Variants in ASAP3 observed in about 807,000 individuals in gnomAD.
ASAP3 encodes ArfGAP with SH3 domain, ankyrin repeat and PH domain 3, also known as arf-GAP with SH3 domain, ANK repeat and PH domain-containing protein 3.
A neutral mutation model predicts 118.2 loss-of-function variants in ASAP3; 85 were observed. The observed-to-expected ratio is 0.72, with a 90% CI of 0.60 to 0.86. The LOEUF is 0.86. Among genes scored for constraint, ASAP3 ranks in the 40% least tolerant of loss-of-function variants. ASAP3 has a pLI of 0.00. For missense variants in ASAP3, 1,026 were observed against 1,175.0 expected (o/e 0.87, Z 1.85); for synonymous variants, 432 against 477.4 (o/e 0.90, Z 1.24).
At chr1:23,472,851 A>G (rs1399562556) in intron 1 of ASAP3, among the ~76,000 whole-genome samples, 2 of 152,230 alleles carry the variant, frequency 1.3e-5, no homozygotes, top group Non-Finnish European at 2.9e-5. Context: ...AACCCATAAG[A>G]CAATTATCTT....
chr1:23,433,201 A>G lies in ASAP3; in HGVS notation c.2199T>C (p.Tyr733=). 1 of 1,614,108 alleles carries G rather than the reference A, an allele frequency of 6.2e-7. No homozygotes were observed. Among genetic ancestry groups the G allele is most frequent in the South Asian group, 1.1e-5 (1 of 91,090 alleles). ...CTGCTCCCAGGCTGGCGACAGTCTC[A>G]TAGGTCTTGTTGCTGATGTCCAGCC... ...SGRLDISNKT[Y]ETVASLGAAT... is the part of the protein sequence containing the mutation. The change falls in exon 22 of 25, where the codon TAT becomes TAC. Residue 733 remains tyrosine (Y), a synonymous_variant. Coordinates refer to ENST00000336689, the MANE Select transcript of ASAP3 (RefSeq NM_017707.4).
At chr1:23,477,145 T>C (rs138710598) in intron 1 of ASAP3, among the ~76,000 whole-genome samples, 88 of 150,200 alleles carry the variant, frequency 5.9e-4, no homozygotes, top group Non-Finnish European at 9.2e-4. Flanking sequence ...GCCTCCCAAG[T>C]AGCTGGGATT....
In ASAP3 at chr1:23,437,399, C is replaced by A. The variant is rs1265769642; in HGVS notation, c.1151+25G>T. On this transcript the variant is annotated intron_variant, in intron 13 of 24. Coordinates refer to ENST00000336689, the MANE Select transcript of ASAP3 (RefSeq NM_017707.4). The surrounding 1 kb of genome is among the most constrained non-coding windows in gnomAD (Gnocchi z 6.1). ...CGCCGGCCCCCACCCACAAGGCTGG[C>A]CGGGCTGGCCGAGGGGGCACTCACG... 6.2e-7 allele frequency: 1 copy of A among 1,612,686 alleles called. No homozygotes were observed. The highest frequency in any genetic ancestry group is 1.7e-5 in the Admixed American group (1 of 59,886).
chr1:23,442,169 C>T lies in ASAP3; in HGVS notation c.671+17G>A, dbSNP rs368417257. 91 of 1,582,698 alleles carry T rather than the reference C, an allele frequency of 5.7e-5. No homozygotes were observed. Among genetic ancestry groups the T allele is most frequent in the African/African-American group, 4.8e-4 (36 of 74,722 alleles). ...ACACTGGAAGGGTTAGTGGCAGGGA[C>T]GCGGGAAGATACCTACTTGTGCTGG... On this transcript the variant is annotated intron_variant, in intron 7 of 24. Transcript: ENST00000336689.
At position 23,428,696 on chromosome 1, in the gene ASAP3, A is replaced by G. The variant is rs1640319267; in HGVS notation, c.*1160T>C. 1 of 152,886 alleles carries G rather than the reference A, an allele frequency of 6.5e-6. No homozygotes were observed. The highest frequency in any genetic ancestry group is 2.4e-5 in the African/African-American group (1 of 41,474). The allele number at this position is 152,886 out of a possible 1,614,324, so 9.5% of individuals were successfully genotyped here. A position where few individuals can be genotyped will look rare whatever the true frequency, so the allele number is the denominator to read the frequency against. On this transcript the variant is annotated 3_prime_UTR_variant, in exon 25 of 25. Transcript: ENST00000336689. ...GACCAGTCAGGTCTCCAGGGGAAACAGCACAGCCTCCCCAGCCAGGCAGCT... is the reference window on the plus strand; with the variant it reads ...GACCAGTCAGGTCTCCAGGGGAAACGGCACAGCCTCCCCAGCCAGGCAGCT...
At position 23,459,453 on chromosome 1, in the gene ASAP3, G is replaced by A. The variant is rs12083126; in HGVS notation, c.130-3259C>T. Among the ~76,000 whole-genome samples, 40 of 152,140 alleles carry A rather than the reference G, an allele frequency of 2.6e-4. No homozygotes were observed. In the East Asian group the frequency reaches 6.4e-3, roughly 24 times the overall value. ...AGCCTTGTTTGTTCTAGCCAGAGTCGACAGACACCTGGTTCAAGCTAAACC... is the reference window on the plus strand; with the variant it reads ...AGCCTTGTTTGTTCTAGCCAGAGTCAACAGACACCTGGTTCAAGCTAAACC... On this transcript the variant is annotated intron_variant, in intron 1 of 24. Coordinates refer to ENST00000336689, the MANE Select transcript of ASAP3 (RefSeq NM_017707.4).
chr1:23,451,203 A>G (rs1641203833), intron 5 of ASAP3, among the ~76,000 whole-genome samples: 1 of 152,190 alleles, frequency 6.6e-6, no homozygotes, highest in Non-Finnish European at 1.5e-5. Flanking sequence ...GGTCAGTGCT[A>G]GCTCCTTCCC....
chr1:23,443,083 G>A (rs1338150747), intron 5 of ASAP3, among the ~76,000 whole-genome samples: 2 of 152,202 alleles, frequency 1.3e-5, no homozygotes, highest in South Asian at 2.1e-4. Flanking sequence ...GTAATGGGAA[G>A]GATTTGAAGG....
chr1:23,461,807 T>C (rs12074915), intron 1 of ASAP3, among the ~76,000 whole-genome samples: 68 of 152,182 alleles, frequency 4.5e-4, no homozygotes, highest in African/African-American at 1.4e-3. Context: ...AAGCCATTTG[T>C]TATGGATGGC....
chr1:23,461,269 T>C (rs1052462680), intron 1 of ASAP3, among the ~76,000 whole-genome samples: 2 of 152,212 alleles, frequency 1.3e-5, no homozygotes, highest in Admixed American at 6.5e-5. Flanking sequence ...GTAAGAGCTG[T>C]TGACAGAGGG....
intron 7 of ASAP3, 78 bp downstream of exon 7, chr1:23,442,108 A>C (rs1640892186): frequency 1.4e-6 from 2 of 1,433,598 alleles, no homozygotes; most frequent in Non-Finnish European, 9.6e-7. Context: ...AGAGACTCTC[A>C]GGTCTATCAC....
chr1:23,455,632 G>A (rs993153764), intron 3 of ASAP3, among the ~76,000 whole-genome samples: 3 of 152,214 alleles, frequency 2.0e-5, no homozygotes, highest in African/African-American at 7.2e-5. Flanking sequence ...TCCCTGCTGT[G>A]AGACCCCCTC....
intron 10 of ASAP3, among the ~76,000 whole-genome samples, chr1:23,440,195 T>C (rs1470830319): frequency 6.6e-6 from 1 of 150,742 alleles, no homozygotes; most frequent in Non-Finnish European, 1.5e-5. Context: ...ATATTCAGTA[T>C]ATTGCAGAGA....
At chr1:23,464,637 G>A (rs1309001022) in intron 1 of ASAP3, among the ~76,000 whole-genome samples, 2 of 122,968 alleles carry the variant, frequency 1.6e-5, no homozygotes, top group African/African-American at 6.5e-5. Context: ...TCCAGCCTGA[G>A]TGACAGAATG....
Position 23,452,719 on chromosome 1 carries a change from C to T in ASAP3, c.401G>A (p.Gly134Glu), listed in dbSNP as rs762313460. Residue 134 changes from glycine to glutamate, a missense_variant, in exon 4 of 25, where the codon GGG becomes GAG. Coordinates refer to ENST00000336689, the MANE Select transcript of ASAP3 (RefSeq NM_017707.4). ...VSFPLDSLMKGQLRDGRQDSK... is the reference protein window; with the variant it reads ...VSFPLDSLMKEQLRDGRQDSK... ...CACCTGTCGACCGTCCCTCAGCTGC[C>T]CCTTCATCAGACTGTCCAGGGGGAA... is the stretch of plus-strand genomic sequence containing the variant. The T allele has an allele frequency of 8.1e-6, 13 of 1,613,936 alleles. 1 individual carries two copies. In the South Asian group the frequency reaches 1.4e-4, roughly 18 times the overall value.
At position 23,463,100 on chromosome 1, in the gene ASAP3, CCATT is replaced by C. The variant is rs1235080255; in HGVS notation, c.130-6910_130-6907del. Among the ~76,000 whole-genome samples, 20 of 152,236 alleles carry C rather than the reference CCATT, an allele frequency of 1.3e-4. No homozygotes were observed. In the East Asian group the frequency reaches 3.9e-3, roughly 29 times the overall value. ...GGACAAGGACAGGAACATAGTTCCT[CCATT>C]CATTCATTCATTTCAACAAGCATTT... On this transcript the variant is annotated intron_variant, in intron 1 of 24. Transcript: ENST00000336689.
chr1:23,438,697 G>GTC lies in ASAP3; in HGVS notation c.1102+49_1102+50insGA, dbSNP rs776789882. The GTC allele has an allele frequency of 6.4e-7, 1 of 1,569,892 alleles. No individual in the cohort carries two copies. The highest frequency in any genetic ancestry group is 1.1e-5 in the South Asian group (1 of 89,850). ...CCCCCGGGAGCTGACAGGTGTCTTA[G>GTC]AGAAGCCCTGAGCAGCTGTGGGTGG... On this transcript the variant is annotated intron_variant, in intron 12 of 24. Coordinates refer to ENST00000336689, the MANE Select transcript of ASAP3 (RefSeq NM_017707.4). This position sits in a 1 kb window ranked among gnomAD's most constrained non-coding sequence, Gnocchi z 4.9.
At chr1:23,478,652 C>T (rs1005541310) in intron 1 of ASAP3, among the ~76,000 whole-genome samples, 28 of 151,428 alleles carry the variant, frequency 1.8e-4, no homozygotes, top group Non-Finnish European at 1.2e-4. Context: ...CCCAGCTACT[C>T]GGGAAGTTGA....
At chr1:23,460,246 C>A (rs1641527886) in intron 1 of ASAP3, among the ~76,000 whole-genome samples, 1 of 152,104 alleles carries the variant, frequency 6.6e-6, no homozygotes, top group African/African-American at 2.4e-5. Context: ...GTGGTTCACG[C>A]CTATAATCCC....
Sources: gnomAD v4.1 joint callset for allele counts (sites outside exome capture counted in the v4.1 genomes callset) on GRCh38, gnomAD v4.1.1 for gene constraint, Gnocchi (gnomAD v3.1) non-coding constraint, MANE v1.5 for transcripts, NCBI Gene and HGNC (gene_info 2026-07-23, HGNC 2026-07-21) for gene names.